TF: variants seen among roughly 807,000 people sequenced by gnomAD.
TF encodes serotransferrin.
In TF, 55 loss-of-function variants were observed where a neutral mutation model predicts 82.4. The observed-to-expected ratio is 0.67, with a 90% CI of 0.54 to 0.84. The LOEUF is 0.84. Ranked by LOEUF, TF falls within the 40% of genes least tolerant of loss-of-function variation. The pLI, the probability that TF is intolerant of heterozygous loss-of-function variation, is 0.00. For missense variants in TF, 737 were observed against 868.4 expected, an observed-to-expected ratio of 0.85 and a Z score of 1.90; for synonymous variants, 332 against 332.6, an observed-to-expected ratio of 1.00 and a Z score of 0.02.
rs1034506993 is a variant in TF, at chr3:133,768,081, C to G, written c.1539C>G (p.Leu513=). The change falls in exon 13 of 17, where the codon CTC becomes CTG. Residue 513 remains leucine, a synonymous_variant. Transcript: ENST00000402696. The stretch of plus-strand genomic sequence containing the variant: ...CTGGGTCTAAGAAAGACTCCAGTCT[C>G]TGTAAGCTGTGTATGGGCTCAGGCC... The part of the protein sequence containing the change: ...CAPGSKKDSS[L]CKLCMGSGLN... 26 of 1,614,106 alleles carry G rather than the reference C, an allele frequency of 1.6e-5. No individual in the cohort carries two copies. The Admixed American group carries it at 2.2e-4, about 13-fold the overall frequency.
At chr3:133,718,386 G>T in the TF span, among the ~76,000 whole-genome samples, 2 of 152,092 alleles carry the variant, frequency 1.3e-5, no homozygotes, top group Non-Finnish European at 2.9e-5. Flanking sequence ...TACCTGGACG[G>T]CAGAAGAGGG....
chr3:133,687,354 A>G, the TF span, among the ~76,000 whole-genome samples: 4 of 152,248 alleles, frequency 2.6e-5, no homozygotes, highest in African/African-American at 7.2e-5. Context: ...TTTAAAAAAA[A>G]AAGATACTGA....
Position 133,757,743 on chromosome 3 carries a change from C to T in TF, c.871-26C>T, listed in dbSNP as rs780925641. ...AGCCTCCTTTCTTCTGTGTTGCCAT[C>T]CACTATTCTGTTTTTCTATGAACAG... On this transcript the variant is annotated intron_variant, in intron 7 of 16. Transcript: ENST00000402696. The T allele has an allele frequency of 1.4e-5, 22 of 1,602,760 alleles. No individual in the cohort carries two copies. In the Middle Eastern group the frequency reaches 6.6e-4, roughly 48 times the overall value.
At chr3:133,776,444 A>G (rs965101605) in intron 15 of TF, among the ~76,000 whole-genome samples, 3 of 152,214 alleles carry the variant, frequency 2.0e-5, no homozygotes, top group Non-Finnish European at 1.5e-5. Flanking sequence ...TTTTTTTAAA[A>G]AAAATAAGAG....
At chr3:133,758,104 G>A (rs189251880) in intron 8 of TF, among the ~76,000 whole-genome samples, 158 bp downstream of exon 8, 16 of 152,276 alleles carry the variant, frequency 1.1e-4, no homozygotes, top group East Asian at 5.8e-4. Context: ...GCTGAATGGC[G>A]TTAGTCATTA....
intron 3 of TF, chr3:133,754,029 C>G (rs1169519538): frequency 1.1e-5 from 5 of 475,954 alleles, no homozygotes. Context: ...GCCTCTGGAG[C>G]CATAGGTACC....
Position 133,764,200 on chromosome 3 carries a change from A to G in TF, c.1222A>G (p.Met408Val). 6.2e-7 allele frequency: 1 copy of G among 1,613,924 alleles called. No individual in the cohort carries two copies. Among genetic ancestry groups the G allele is most frequent in the Non-Finnish European group, 8.5e-7 (1 of 1,179,850 alleles). The change falls in exon 10 of 17, where the codon ATG (methionine) becomes GTG (valine). Residue 408 changes from methionine (M) to valine (V), a missense_variant. Transcript: ENST00000402696. ...TTTGCAGAATGGAGAAGCTGATGCC[A>G]TGAGCTTGGATGGAGGGTTTGTCTA... ...AKIMNGEADA[M>V]SLDGGFVYIA...
the TF span, among the ~76,000 whole-genome samples, chr3:133,693,859 G>A: frequency 6.6e-6 from 1 of 152,222 alleles, no homozygotes. Flanking sequence ...CCTCCGTGTG[G>A]GTGAATTAGC....
the TF span, among the ~76,000 whole-genome samples, chr3:133,693,079 A>G: frequency 6.6e-6 from 1 of 152,100 alleles, no homozygotes; most frequent in African/African-American, 2.4e-5. Context: ...TTAAATATGC[A>G]CTGGCTGGGT....
the TF span, among the ~76,000 whole-genome samples, chr3:133,673,007 C>T: frequency 1.3e-5 from 2 of 152,066 alleles, no homozygotes; most frequent in Non-Finnish European, 2.9e-5. Flanking sequence ...TAAAACAAAA[C>T]AAAACACCAG....
chr3:133,759,099 G>T, intron 8 of TF, 76 bp from the exon 9 acceptor site: 1 of 1,578,766 alleles, frequency 6.3e-7, no homozygotes. Flanking sequence ...TTTGCATGAA[G>T]ACAGTGAGTA....
chr3:133,685,287 C>A, the TF span, among the ~76,000 whole-genome samples: 3 of 152,154 alleles, frequency 2.0e-5, no homozygotes, highest in East Asian at 5.8e-4. Context: ...CCTTTGAAAA[C>A]TGGCACAAGA....
chr3:133,687,104 C>T, the TF span, among the ~76,000 whole-genome samples: 1 of 152,138 alleles, frequency 6.6e-6, no homozygotes, highest in Non-Finnish European at 1.5e-5. Flanking sequence ...GACGGAAAAC[C>T]AAACACCACA....
rs772442503 is a variant in TF at position 133,780,182 on chromosome 3, T to G, written c.*1562T>G. The stretch of plus-strand genomic sequence containing the variant: ...GCAGTCCAGACCTGATATGGACCGT[T>G]TTACACACAGCCCTGCTTTCCTCTG... On this transcript the variant is annotated 3_prime_UTR_variant, in exon 17 of 17. Coordinates refer to ENST00000402696, the MANE Select transcript of TF (RefSeq NM_001063.4). 2 of 152,208 alleles carry G rather than the reference T, an allele frequency of 1.3e-5. No individual in the cohort carries two copies. The highest frequency in any genetic ancestry group is 2.9e-5 in the Non-Finnish European group (2 of 68,058). 9.4% of individuals were successfully genotyped at this position (152,208 alleles called of 1,614,324 possible).
At chr3:133,681,545 G>A in the TF span, among the ~76,000 whole-genome samples, 1 of 152,208 alleles carries the variant, frequency 6.6e-6, no homozygotes, top group Admixed American at 6.5e-5. Flanking sequence ...GGCACACCAG[G>A]AGATTATATC....
intron 9 of TF, among the ~76,000 whole-genome samples, chr3:133,759,826 AT>A (rs112343730): frequency 1.7e-4 from 26 of 149,826 alleles, no homozygotes; most frequent in African/African-American, 4.4e-4. Context: ...CTCTAACAAC[AT>A]TTTTTTTTTA....
At chr3:133,697,577 G>T in the TF span, among the ~76,000 whole-genome samples, 1 of 152,190 alleles carries the variant, frequency 6.6e-6, no homozygotes, top group African/African-American at 2.4e-5. Context: ...ATCTCTTCTT[G>T]CCTGGTAGGA....
At chr3:133,681,882 G>A in the TF span, among the ~76,000 whole-genome samples, 1 of 152,232 alleles carries the variant, frequency 6.6e-6, no homozygotes, top group Non-Finnish European at 1.5e-5. Context: ...TTTGAGATCT[G>A]AGAATGGACA....
At chr3:133,684,804 T>C in the TF span, among the ~76,000 whole-genome samples, 1 of 152,170 alleles carries the variant, frequency 6.6e-6, no homozygotes, top group African/African-American at 2.4e-5. Flanking sequence ...ATTCCTTCTG[T>C]AACTATTCCA....
Sources: allele counts gnomAD v4.1 joint callset (sites outside exome capture counted in the v4.1 genomes callset), GRCh38; gene constraint gnomAD v4.1.1; transcripts MANE v1.5; gene names NCBI Gene and HGNC (gene_info 2026-07-23, HGNC 2026-07-21).